Variants in PACRG observed in about 807,000 individuals in gnomAD.
PACRG encodes parkin coregulated gene protein.
Under a neutral mutation model 29.7 loss-of-function variants are expected in PACRG, and 29 were observed. The observed-to-expected ratio is 0.98, with a 90% CI of 0.73 to 1.33. PACRG has a LOEUF of 1.33. PACRG is among the 40% of genes most tolerant of loss of function. PACRG has a pLI of 0.00. For missense variants in PACRG, 279 were observed against 316.2 expected (o/e 0.88, Z 0.89); for synonymous variants, 116 against 118.7 (o/e 0.98, Z 0.15).
At chr6:163,183,957 A>G (rs886910311) in intron 4 of PACRG, among the ~76,000 whole-genome samples, 1 of 152,214 alleles carries the variant, frequency 6.6e-6, no homozygotes, top group Non-Finnish European at 1.5e-5. Context: ...TCATCACTCT[A>G]ATGGGTGTCT....
At chr6:162,729,369 G>A (rs1779564817) in intron 1 of PACRG, among the ~76,000 whole-genome samples, 1 of 152,084 alleles carries the variant, frequency 6.6e-6, no homozygotes, top group African/African-American at 2.4e-5. Context: ...TTTGCTTATA[G>A]GTTGCAAACC....
intron 1 of PACRG, among the ~76,000 whole-genome samples, chr6:162,799,896 T>A (rs1257695461): frequency 6.6e-6 from 1 of 152,214 alleles, no homozygotes; most frequent in Non-Finnish European, 1.5e-5. Context: ...TGTTTAGATA[T>A]AAACTGTTTA....
At chr6:162,947,613 T>TATATATATATATATAATC (rs1799287808) in intron 2 of PACRG, among the ~76,000 whole-genome samples, 3 of 14,912 alleles carry the variant, frequency 2.0e-4, no homozygotes, top group African/African-American at 6.3e-4. Flanking sequence ...TATATAATCA[T>TATATATATATATATAATC]ATATATATAT....
chr6:163,136,070 G>A (rs542000886), intron 4 of PACRG, among the ~76,000 whole-genome samples: 3 of 151,744 alleles, frequency 2.0e-5, no homozygotes, highest in Non-Finnish European at 4.4e-5. Flanking sequence ...CTATTTATTC[G>A]GTCTTTTACA....
At chr6:163,212,548 G>T (rs577109993) in intron 4 of PACRG, among the ~76,000 whole-genome samples, 5 of 152,242 alleles carry the variant, frequency 3.3e-5, no homozygotes, top group African/African-American at 4.8e-5. Flanking sequence ...TGGCTCAAAA[G>T]GGTTGCCCAA....
intron 2 of PACRG, among the ~76,000 whole-genome samples, chr6:163,008,174 G>A (rs1170229009): frequency 1.3e-5 from 2 of 151,958 alleles, no homozygotes; most frequent in Non-Finnish European, 2.9e-5. Context: ...TCCCCCTAAC[G>A]CAAATGCACA....
chr6:162,872,152 C>T (rs1239374750), intron 2 of PACRG, among the ~76,000 whole-genome samples: 2 of 152,132 alleles, frequency 1.3e-5, no homozygotes, highest in Admixed American at 6.5e-5. Flanking sequence ...GCCAAAACCA[C>T]AGTCATGAGA....
At chr6:163,147,696 T>C (rs1309449555) in intron 4 of PACRG, among the ~76,000 whole-genome samples, 2 of 152,230 alleles carry the variant, frequency 1.3e-5, no homozygotes, top group African/African-American at 4.8e-5. Context: ...ATAAAAAGTA[T>C]TGAGCATGTG....
At chr6:163,115,293 G>C (rs948676346) in intron 4 of PACRG, among the ~76,000 whole-genome samples, 3 of 152,088 alleles carry the variant, frequency 2.0e-5, no homozygotes, top group African/African-American at 7.2e-5. Context: ...GCTTTATCTG[G>C]GGGCATCGGG....
rs144753050 is a variant in PACRG at position 162,790,824 on chromosome 6, C to T, written c.157-23323C>T. On this transcript the variant is annotated intron_variant, in intron 1 of 4. Coordinates refer to ENST00000366888, the MANE Select transcript of PACRG (RefSeq NM_001080379.2). Reference sequence around the variant, plus strand: ...TATGTATCAAAGGACAACCTAAAGCCGGAAGATAACTGAATAAGTCTTTTA... The same window carrying T: ...TATGTATCAAAGGACAACCTAAAGCTGGAAGATAACTGAATAAGTCTTTTA... 6.8e-3 allele frequency among the ~76,000 whole-genome samples: 1,042 copies of T among 152,180 alleles called. 5 individuals are homozygous for T. The highest frequency in any genetic ancestry group is 0.02 in the Admixed American group (307 of 15,280).
At chr6:163,139,165 C>G (rs1817055610) in intron 4 of PACRG, among the ~76,000 whole-genome samples, 1 of 152,248 alleles carries the variant, frequency 6.6e-6, no homozygotes. Context: ...CTGGCCTCCC[C>G]CAGCTTCCAC....
intron 2 of PACRG, among the ~76,000 whole-genome samples, chr6:163,043,559 A>C (rs1197350230): frequency 6.6e-6 from 1 of 152,180 alleles, no homozygotes; most frequent in African/African-American, 2.4e-5. Context: ...CTAAAAAAAA[A>C]AAATCATCAG....
At chr6:163,149,635 G>C (rs1777991036) in intron 4 of PACRG, among the ~76,000 whole-genome samples, 1 of 151,964 alleles carries the variant, frequency 6.6e-6, no homozygotes, top group African/African-American at 2.4e-5. Context: ...CCCGGGCTGC[G>C]GGTGCTGCCC....
At chr6:162,766,021 TC>T (rs1782762926) in intron 1 of PACRG, among the ~76,000 whole-genome samples, 2 of 152,232 alleles carry the variant, frequency 1.3e-5, no homozygotes, top group Admixed American at 1.3e-4. Flanking sequence ...AATGATCAAA[TC>T]AGGCTCATTA....
chr6:162,866,522 ACTT>A (rs1385965881), intron 2 of PACRG, among the ~76,000 whole-genome samples: 6 of 152,150 alleles, frequency 3.9e-5, no homozygotes, highest in African/African-American at 2.4e-5. Context: ...TTTTGCTATA[ACTT>A]CTTAGAGTTT....
intron 1 of PACRG, among the ~76,000 whole-genome samples, chr6:162,780,502 A>G (rs1054273659): frequency 2.1e-4 from 32 of 152,186 alleles, no homozygotes; most frequent in Non-Finnish European, 3.7e-4. Context: ...AATATCCAAA[A>G]TGTCTGGCAA....
intron 2 of PACRG, among the ~76,000 whole-genome samples, chr6:162,996,842 CTA>C (rs899711074): frequency 6.6e-6 from 1 of 152,050 alleles, no homozygotes; most frequent in Non-Finnish European, 1.5e-5. Context: ...ACTCTTAAAA[CTA>C]GAGTTTTTTA....
intron 4 of PACRG, among the ~76,000 whole-genome samples, chr6:163,132,677 A>G (rs181173311): frequency 6.6e-6 from 1 of 152,344 alleles, no homozygotes; most frequent in East Asian, 1.9e-4. Context: ...GTACCTCCTC[A>G]GTAGGAGCTA....
rs559508735 is a variant in PACRG, at chr6:162,853,742, C to T, written c.291+39461C>T. ...TCTATGTAACAAACCTTCACATGTA[C>T]CCCTAAACCTAAAATAAACATTTTT... On this transcript the variant is annotated intron_variant, in intron 2 of 4. Coordinates refer to ENST00000366888, the MANE Select transcript of PACRG (RefSeq NM_001080379.2). This position sits in a 1 kb window ranked among gnomAD's most constrained non-coding sequence, Gnocchi z 4.7. Among the ~76,000 whole-genome samples the T allele has an allele frequency of 6.6e-6, 1 of 152,256 alleles. No individual in the cohort carries two copies. Among genetic ancestry groups the T allele is most frequent in the African/African-American group, 2.4e-5 (1 of 41,538 alleles).
Sources: allele counts gnomAD v4.1 joint callset (sites outside exome capture counted in the v4.1 genomes callset), GRCh38; gene constraint gnomAD v4.1.1; non-coding constraint Gnocchi (gnomAD v3.1); transcripts MANE v1.5; gene names NCBI Gene and HGNC (gene_info 2026-07-23, HGNC 2026-07-21).